Variants in SLC5A7 observed in about 807,000 individuals in gnomAD.
SLC5A7 encodes high affinity choline transporter 1.
SLC5A7 carries 19 observed loss-of-function variants against 55.4 expected under a neutral mutation model. The observed-to-expected ratio is 0.34, with a 90% confidence interval of 0.24 to 0.50. The LOEUF (loss-of-function observed/expected upper bound fraction) is 0.50, where lower values mean the gene tolerates loss of function less well. Among genes scored for constraint, SLC5A7 ranks in the 20% least tolerant of loss-of-function variants. The probability of loss-of-function intolerance (pLI) is 0.98; values close to 1 mark genes in which losing one functional copy is unlikely to be tolerated. For missense variants in SLC5A7, 506 were observed against 705.3 expected (o/e 0.72, Z 3.20); for synonymous variants, 265 against 263.7 (o/e 1.00, Z -0.05).
chr2:107,997,155 A>T (rs1677701296), intron 4 of SLC5A7, among the ~76,000 whole-genome samples: 1 of 152,220 alleles, frequency 6.6e-6, no homozygotes, highest in African/African-American at 2.4e-5. Context: ...TTGGTAATGT[A>T]ATGACGTTTT....
At chr2:108,006,421 T>A (rs967443575) in intron 7 of SLC5A7, among the ~76,000 whole-genome samples, 2 of 149,112 alleles carry the variant, frequency 1.3e-5, no homozygotes, top group African/African-American at 5.0e-5. Context: ...GGTTTCATCA[T>A]GTTGGTCAGG....
intron 3 of SLC5A7, 25 bp downstream of exon 3, chr2:107,992,244 GACTC>G (rs747481602): frequency 4.4e-6 from 6 of 1,354,232 alleles, no homozygotes; most frequent in African/African-American, 4.3e-5. Context: ...AAATCTCAGT[GACTC>G]ACTCAGTAAA....
At chr2:107,990,882 A>G (rs1193900484) in intron 2 of SLC5A7, among the ~76,000 whole-genome samples, 2 of 152,212 alleles carry the variant, frequency 1.3e-5, no homozygotes, top group Non-Finnish European at 2.9e-5. Flanking sequence ...CATCAGAGTT[A>G]AATTTTATTC....
chr2:108,010,156 A>C, intron 8 of SLC5A7, 76 bp from the exon 9 acceptor site: 1 of 1,526,814 alleles, frequency 6.5e-7, no homozygotes, highest in Non-Finnish European at 8.8e-7. Context: ...TTTTGAAGCA[A>C]AAAATATGTC....
In SLC5A7 at chr2:108,011,063, A is replaced by G. The variant is rs186833109; in HGVS notation, c.*202A>G. 2.9e-5 allele frequency: 13 copies of G among 449,396 alleles called. No individual in the cohort carries two copies. The highest frequency in any genetic ancestry group is 5.9e-4 in the Middle Eastern group (1 of 1,686). 27.8% of individuals were successfully genotyped at this position (449,396 alleles called of 1,614,324 possible). On this transcript the variant is annotated 3_prime_UTR_variant, in exon 9 of 9. Transcript: ENST00000264047. ...AAAGCAACAACTTTGTTTCTCATCC[A>G]TAGTAGTATTGATTTTGATGCTAGA...
At chr2:108,009,026 A>G (rs1678219235) in intron 8 of SLC5A7, among the ~76,000 whole-genome samples, 1 of 151,962 alleles carries the variant, frequency 6.6e-6, no homozygotes, top group African/African-American at 2.4e-5. Context: ...TCTCTATGAC[A>G]CTGGAAAATC....
At chr2:107,992,305 C>T (rs1677481710) in intron 3 of SLC5A7, 86 bp downstream of exon 3, 1 of 735,544 alleles carries the variant, frequency 1.4e-6, no homozygotes, top group African/African-American at 1.7e-5. Context: ...ACAAGTCAAA[C>T]ACTCTGAATA....
At chr2:107,998,330 T>C (rs528411126) in intron 5 of SLC5A7, among the ~76,000 whole-genome samples, 2 of 152,318 alleles carry the variant, frequency 1.3e-5, no homozygotes, top group South Asian at 4.1e-4. Flanking sequence ...ACCTTAGTGG[T>C]AACTTGTACA....
chr2:108,001,620 C>T (rs1489621135), intron 5 of SLC5A7, among the ~76,000 whole-genome samples: 2 of 146,968 alleles, frequency 1.4e-5, no homozygotes, highest in Admixed American at 6.9e-5. Flanking sequence ...TTGCAGTGAG[C>T]CGAGATCCCG....
Position 108,010,683 on chromosome 2 carries a change from G to A in SLC5A7, c.1565G>A (p.Ser522Asn), listed in dbSNP as rs1260126104. 1.2e-6 allele frequency: 2 copies of A among 1,613,840 alleles called. No homozygotes were observed. The highest frequency in any genetic ancestry group is 2.7e-5 in the African/African-American group (2 of 75,018). ...DVFDAVVARH[S>N]EENMDKTILV... ...TTTGATGCTGTTGTTGCAAGACACA[G>A]TGAAGAAAACATGGATAAGACAATT... The change falls in exon 9 of 9, where the codon AGT becomes AAT. Residue 522 changes from serine (S) to asparagine (N), a missense_variant. Coordinates refer to ENST00000264047, the MANE Select transcript of SLC5A7 (RefSeq NM_021815.5).
chr2:108,006,335 T>G, intron 7 of SLC5A7, 133 bp downstream of exon 7: 1 of 1,027,490 alleles, frequency 9.7e-7, no homozygotes. Context: ...ATAGATTTGT[T>G]ATAGCATTCA....
intron 5 of SLC5A7, among the ~76,000 whole-genome samples, chr2:108,001,177 A>G (rs1677877694): frequency 6.6e-6 from 1 of 151,966 alleles, no homozygotes; most frequent in Admixed American, 6.5e-5. Context: ...ACAAGGGGAT[A>G]TATATCTCAA....
intron 1 of SLC5A7, among the ~76,000 whole-genome samples, 191 bp downstream of exon 1, chr2:107,986,954 T>G: frequency 6.6e-6 from 1 of 151,264 alleles, no homozygotes; most frequent in African/African-American, 2.4e-5. Flanking sequence ...GCGCAGGAAA[T>G]GGGTAGAGGG....
intron 3 of SLC5A7, 84 bp from the exon 4 acceptor site, chr2:107,992,887 AT>A: frequency 1.4e-6 from 2 of 1,480,408 alleles, no homozygotes; most frequent in Non-Finnish European, 1.8e-6. Context: ...TGGAAAATGC[AT>A]TTTCCTTGAT....
intron 2 of SLC5A7, among the ~76,000 whole-genome samples, chr2:107,988,719 G>A (rs1047867941): frequency 1.7e-5 from 2 of 118,436 alleles, no homozygotes; most frequent in East Asian, 2.2e-4. Context: ...CAACGTGTCC[G>A]GTAATACATG....
chr2:108,006,370 G>A (rs552515301), intron 7 of SLC5A7, among the ~76,000 whole-genome samples, 168 bp downstream of exon 7: 51 of 149,414 alleles, frequency 3.4e-4, no homozygotes, highest in African/African-American at 1.2e-3. Context: ...ATAGTTCAGC[G>A]GCCTCCATTT....
intron 8 of SLC5A7, among the ~76,000 whole-genome samples, chr2:108,010,021 A>G (rs558723649): frequency 2.6e-5 from 4 of 152,156 alleles, no homozygotes; most frequent in Admixed American, 6.5e-5. Flanking sequence ...TGCATCTGGT[A>G]CACAGAAACC....
chr2:108,000,129 C>T (rs1312147559), intron 5 of SLC5A7, among the ~76,000 whole-genome samples: 1 of 152,162 alleles, frequency 6.6e-6, no homozygotes, highest in Non-Finnish European at 1.5e-5. Context: ...GCCAGCAAAG[C>T]CTGTCACCAA....
At chr2:107,996,939 T>G (rs952410266) in intron 4 of SLC5A7, among the ~76,000 whole-genome samples, 2 of 152,198 alleles carry the variant, frequency 1.3e-5, no homozygotes, top group Non-Finnish European at 2.9e-5. Context: ...AGGGAGAAAT[T>G]GATTAATAAC....
Sources: gnomAD v4.1 joint callset for allele counts (sites outside exome capture counted in the v4.1 genomes callset) on GRCh38, gnomAD v4.1.1 for gene constraint, MANE v1.5 for transcripts, NCBI Gene and HGNC (gene_info 2026-07-23, HGNC 2026-07-21) for gene names.